Variants in ST6GALNAC5 observed in about 807,000 individuals in gnomAD.
The protein encoded by ST6GALNAC5 is ST6 N-acetylgalactosaminide alpha-2,6-sialyltransferase 5, also known as alpha-N-acetylgalactosaminide alpha-2,6-sialyltransferase 5.
In ST6GALNAC5, 27 loss-of-function variants were observed where a neutral mutation model predicts 33.6. The ratio of observed to expected loss-of-function variants is 0.80; its 90% CI spans 0.59 to 1.11. The LOEUF is 1.11. Among genes scored for constraint, ST6GALNAC5 ranks in the 50% least tolerant of loss-of-function variants. The pLI is 0.00. For synonymous variants in ST6GALNAC5, 194 were observed against 171.2 expected (o/e 1.13, Z -1.04); for missense variants, 428 against 454.0 (o/e 0.94, Z 0.52).
At position 76,868,813 on chromosome 1, in the gene ST6GALNAC5, C is replaced by G. The variant is rs1653427886; in HGVS notation, c.261+71C>G. The G allele has an allele frequency of 1.3e-5, 18 of 1,430,804 alleles. No individual in the cohort carries two copies. The highest frequency in any genetic ancestry group is 1.6e-5 in the Non-Finnish European group (18 of 1,098,512). The allele number at this position is 1,430,804 out of a possible 1,614,324, so 88.6% of individuals were successfully genotyped here. On this transcript the variant is annotated intron_variant, in intron 2 of 4. Coordinates refer to ENST00000477717, the MANE Select transcript of ST6GALNAC5 (RefSeq NM_030965.3). The surrounding 1 kb of genome is among the most constrained non-coding windows in gnomAD (Gnocchi z 4.3). The stretch of plus-strand genomic sequence containing the variant: ...CCGCACACCTGAGCCTTCCCCCTTT[C>G]CCGGGGCTGGGAGGCGCTGTGAGTA...
At chr1:76,883,569 G>C (rs1335080053) in intron 2 of ST6GALNAC5, among the ~76,000 whole-genome samples, 1 of 152,166 alleles carries the variant, frequency 6.6e-6, no homozygotes, top group East Asian at 1.9e-4. Context: ...TTTGAATACA[G>C]AGCAACATCT....
intron 2 of ST6GALNAC5, among the ~76,000 whole-genome samples, chr1:76,896,501 G>C (rs555227380): frequency 0.019 from 2,874 of 152,274 alleles, 35 homozygotes; most frequent in Non-Finnish European, 0.03. Flanking sequence ...CCTGCCTTTG[G>C]TGGTGTGTGG....
chr1:76,947,031 T>C (rs1187734989), intron 2 of ST6GALNAC5, among the ~76,000 whole-genome samples: 1 of 152,102 alleles, frequency 6.6e-6, no homozygotes, highest in Non-Finnish European at 1.5e-5. Flanking sequence ...CTAATCTGGG[T>C]GGGTGACAAT....
chr1:77,051,878 C>G (rs1182081311), intron 4 of ST6GALNAC5, among the ~76,000 whole-genome samples: 1 of 151,898 alleles, frequency 6.6e-6, no homozygotes, highest in Non-Finnish European at 1.5e-5. Context: ...ATTAGGATGC[C>G]AGAAAGAAAA....
intron 2 of ST6GALNAC5, among the ~76,000 whole-genome samples, chr1:76,976,342 A>C (rs1452114508): frequency 6.6e-6 from 1 of 152,164 alleles, no homozygotes; most frequent in African/African-American, 2.4e-5. Flanking sequence ...AATTTATTTA[A>C]AATTTTCACA....
intron 2 of ST6GALNAC5, among the ~76,000 whole-genome samples, chr1:77,015,074 CACACACACACACAT>C (rs997183775): frequency 4.6e-5 from 6 of 129,722 alleles, no homozygotes; most frequent in African/African-American, 2.1e-4. Flanking sequence ...CACACACACA[CACACACACACACAT>C]GGAGCTTTAT....
intron 2 of ST6GALNAC5, among the ~76,000 whole-genome samples, chr1:77,015,913 G>A (rs542991695): frequency 3.7e-4 from 57 of 152,126 alleles, no homozygotes; most frequent in African/African-American, 1.3e-3. Flanking sequence ...CCTGTTCGGG[G>A]AGGCGTGTGT....
intron 2 of ST6GALNAC5, among the ~76,000 whole-genome samples, chr1:76,930,271 A>G (rs1301528250): frequency 6.6e-6 from 1 of 152,190 alleles, no homozygotes; most frequent in Non-Finnish European, 1.5e-5. Context: ...TTATATGTCT[A>G]AATCATTTAG....
intron 3 of ST6GALNAC5, among the ~76,000 whole-genome samples, chr1:77,047,271 C>A (rs1038369361): frequency 6.6e-6 from 1 of 152,180 alleles, no homozygotes; most frequent in African/African-American, 2.4e-5. Flanking sequence ...TTACCTGTAG[C>A]CTGCTCCAAG....
intron 2 of ST6GALNAC5, among the ~76,000 whole-genome samples, chr1:76,947,120 AC>A (rs1647547944): frequency 6.6e-6 from 1 of 152,112 alleles, no homozygotes; most frequent in Non-Finnish European, 1.5e-5. Context: ...CAGAATTCAT[AC>A]ATTTTTTTCT....
intron 2 of ST6GALNAC5, among the ~76,000 whole-genome samples, chr1:77,021,732 T>C (rs199679): frequency 0.29 from 43,838 of 152,090 alleles, 6,836 homozygotes; most frequent in African/African-American, 0.4. Flanking sequence ...TTGATAGTGC[T>C]AGGTTATCAT....
intron 2 of ST6GALNAC5, among the ~76,000 whole-genome samples, chr1:76,979,800 G>T (rs1649175556): frequency 6.6e-6 from 1 of 152,142 alleles, no homozygotes; most frequent in Non-Finnish European, 1.5e-5. Flanking sequence ...GGTGGCAGGT[G>T]CCTGTAATCC....
intron 2 of ST6GALNAC5, among the ~76,000 whole-genome samples, chr1:76,922,115 G>C (rs910889232): frequency 1.3e-5 from 2 of 152,146 alleles, no homozygotes; most frequent in Non-Finnish European, 2.9e-5. Context: ...AAATTCCAAG[G>C]AATCTACAAA....
At chr1:77,052,540 A>T (rs35224101) in intron 4 of ST6GALNAC5, among the ~76,000 whole-genome samples, 1 of 152,044 alleles carries the variant, frequency 6.6e-6, no homozygotes, top group African/African-American at 2.4e-5. Context: ...AGGAAAGAGT[A>T]TCAATATCAT....
intron 2 of ST6GALNAC5, among the ~76,000 whole-genome samples, chr1:77,004,545 C>T (rs1295165185): frequency 5.8e-5 from 8 of 136,938 alleles, no homozygotes; most frequent in African/African-American, 1.7e-4. Context: ...GAACTGCGTT[C>T]CTTTGGAGGA....
At chr1:76,873,865 A>G (rs1258937127) in intron 2 of ST6GALNAC5, among the ~76,000 whole-genome samples, 1 of 152,208 alleles carries the variant, frequency 6.6e-6, no homozygotes, top group Non-Finnish European at 1.5e-5. Flanking sequence ...CCCTTGGTAA[A>G]TACTTGTTGA....
intron 2 of ST6GALNAC5, among the ~76,000 whole-genome samples, chr1:77,023,627 T>C (rs981295791): frequency 6.6e-6 from 1 of 152,128 alleles, no homozygotes; most frequent in Non-Finnish European, 1.5e-5. Flanking sequence ...AGCTCAGAAA[T>C]CTTGGCACTG....
At chr1:76,925,675 AAT>A (rs754321479) in intron 2 of ST6GALNAC5, among the ~76,000 whole-genome samples, 1 of 151,760 alleles carries the variant, frequency 6.6e-6, no homozygotes, top group African/African-American at 2.4e-5. Flanking sequence ...TAATGTTTTA[AAT>A]ATATATATAT....
chr1:76,912,277 G>C (rs1026019286), intron 2 of ST6GALNAC5, among the ~76,000 whole-genome samples: 4 of 152,140 alleles, frequency 2.6e-5, no homozygotes, highest in African/African-American at 9.7e-5. Context: ...TGATTGCACT[G>C]TGGTCTGAGA....
Sources: gnomAD v4.1 joint callset for allele counts (sites outside exome capture counted in the v4.1 genomes callset) on GRCh38, gnomAD v4.1.1 for gene constraint, Gnocchi (gnomAD v3.1) non-coding constraint, MANE v1.5 for transcripts, NCBI Gene and HGNC (gene_info 2026-07-23, HGNC 2026-07-21) for gene names.